Variants in GRID1 observed in about 807,000 individuals in gnomAD.
GRID1 encodes the protein glutamate ionotropic receptor delta type subunit 1.
In GRID1, 28 loss-of-function variants were observed where a neutral mutation model predicts 98.0. That is an observed-to-expected ratio of 0.29 (90% CI 0.21 to 0.39). GRID1 has a LOEUF of 0.39. Among genes scored for constraint, GRID1 ranks in the 10% least tolerant of loss-of-function variants. GRID1 has a pLI of 1.00. For synonymous variants in GRID1, 553 were observed against 538.5 expected, an observed-to-expected ratio of 1.03 and a Z score of -0.37; for missense variants, 1,111 against 1,340.5, an observed-to-expected ratio of 0.83 and a Z score of 2.67.
rs990833106 is a variant in GRID1 at position 85,756,087 on chromosome 10, A to G, written c.1234-26473T>C. Among the ~76,000 whole-genome samples the G allele has an allele frequency of 8.5e-5, 13 of 152,208 alleles. 1 individual carries two copies. The South Asian group carries it at 2.7e-3, about 32-fold the overall frequency. ...ATGTTCCAATACCCCCCCTAGTGGG[A>G]GCCTGAAACCACAAATAGTACCGAA... On this transcript the variant is annotated intron_variant, in intron 8 of 15. Coordinates refer to ENST00000327946, the MANE Select transcript of GRID1 (RefSeq NM_017551.3).
chr10:85,930,058 A>C (rs943040990), intron 4 of GRID1, among the ~76,000 whole-genome samples: 1 of 152,192 alleles, frequency 6.6e-6, no homozygotes, highest in Non-Finnish European at 1.5e-5. Flanking sequence ...GTAGACTATG[A>C]TTATATTATT....
At chr10:85,819,805 T>C (rs1842746306) in intron 8 of GRID1, among the ~76,000 whole-genome samples, 1 of 151,836 alleles carries the variant, frequency 6.6e-6, no homozygotes, top group South Asian at 2.1e-4. Context: ...TCCCAGCTAC[T>C]CGAGAGGCTG....
chr10:86,121,135 C>T (rs1844657859), intron 4 of GRID1, among the ~76,000 whole-genome samples: 1 of 152,166 alleles, frequency 6.6e-6, no homozygotes, highest in Non-Finnish European at 1.5e-5. Context: ...AAGGTGCAGA[C>T]AACATCGTAA....
chr10:86,216,661 G>A (rs1846181568), intron 2 of GRID1, among the ~76,000 whole-genome samples: 1 of 152,156 alleles, frequency 6.6e-6, no homozygotes, highest in African/African-American at 2.4e-5. Context: ...AGAAAGCAAC[G>A]GTGCTGTCCT....
intron 5 of GRID1, among the ~76,000 whole-genome samples, chr10:85,897,259 A>C (rs1317456065): frequency 1.3e-5 from 2 of 152,180 alleles, no homozygotes; most frequent in Non-Finnish European, 2.9e-5. Context: ...ACACCTACAC[A>C]GTGGTAAGCA....
intron 6 of GRID1, among the ~76,000 whole-genome samples, chr10:85,863,587 C>G (rs952052290): frequency 7.9e-5 from 12 of 152,172 alleles, no homozygotes; most frequent in African/African-American, 2.9e-4. Flanking sequence ...TATTGAGTCC[C>G]TGGGAGCAGG....
Position 86,268,942 on chromosome 10 carries a change from A to T in GRID1, c.236-62294T>A, listed in dbSNP as rs184599985. On this transcript the variant is annotated intron_variant, in intron 2 of 15. Coordinates refer to ENST00000327946, the MANE Select transcript of GRID1 (RefSeq NM_017551.3). ...GAGGCGGAGGTTGCAGTGAGCTGAG[A>T]TCACGCCACTGCACTCCAGCCCGGG... Among the ~76,000 whole-genome samples the T allele has an allele frequency of 7.5e-4, 114 of 152,128 alleles. 1 individual carries two copies. Among genetic ancestry groups the T allele is most frequent in the African/African-American group, 2.5e-3 (105 of 41,490 alleles).
intron 8 of GRID1, among the ~76,000 whole-genome samples, chr10:85,803,773 C>G (rs1344343109): frequency 6.6e-6 from 1 of 151,870 alleles, no homozygotes; most frequent in Non-Finnish European, 1.5e-5. Context: ...AGCATCAATA[C>G]ATAATAATCA....
At chr10:86,180,267 C>T (rs1845636596) in intron 3 of GRID1, among the ~76,000 whole-genome samples, 2 of 152,278 alleles carry the variant, frequency 1.3e-5, no homozygotes, top group Middle Eastern at 3.4e-3. Context: ...AGCAACTCCT[C>T]TCCTCCATGC....
intron 6 of GRID1, among the ~76,000 whole-genome samples, chr10:85,856,696 G>T (rs912088562): frequency 2.6e-5 from 4 of 152,218 alleles, no homozygotes; most frequent in African/African-American, 9.7e-5. Context: ...CAACCCTACT[G>T]TTATAACTTG....
intron 2 of GRID1, among the ~76,000 whole-genome samples, chr10:86,303,646 A>G (rs1404300096): frequency 6.6e-6 from 1 of 152,252 alleles, no homozygotes; most frequent in Admixed American, 6.5e-5. Flanking sequence ...CCTAATGGAC[A>G]TCGCGTTGCC....
chr10:85,933,995 G>C (rs1302626071), intron 4 of GRID1, among the ~76,000 whole-genome samples: 1 of 152,174 alleles, frequency 6.6e-6, no homozygotes, highest in Non-Finnish European at 1.5e-5. Flanking sequence ...TATAGGCTGA[G>C]GGTTTCCTAG....
chr10:86,292,583 G>T (rs1045818435), intron 2 of GRID1, among the ~76,000 whole-genome samples: 1 of 152,192 alleles, frequency 6.6e-6, no homozygotes, highest in Non-Finnish European at 1.5e-5. Flanking sequence ...CTGGGGAGGG[G>T]TCCCCCTGTA....
chr10:86,133,672 A>G (rs1268275117), intron 4 of GRID1, among the ~76,000 whole-genome samples: 1 of 152,282 alleles, frequency 6.6e-6, no homozygotes, highest in Non-Finnish European at 1.5e-5. Context: ...AGTAAGAAAT[A>G]TTAAATTCCC....
intron 4 of GRID1, among the ~76,000 whole-genome samples, chr10:86,090,851 C>T (rs890593757): frequency 5.3e-5 from 8 of 152,240 alleles, no homozygotes; most frequent in Non-Finnish European, 1.5e-5. Flanking sequence ...GGAGACCCTC[C>T]TCTCCTGAAC....
chr10:85,661,576 G>A (rs776289082), intron 12 of GRID1, among the ~76,000 whole-genome samples: 1 of 152,134 alleles, frequency 6.6e-6, no homozygotes, highest in Non-Finnish European at 1.5e-5. Flanking sequence ...GCAGAGTGCT[G>A]GCAGCCACCT....
intron 4 of GRID1, among the ~76,000 whole-genome samples, chr10:86,098,396 G>C (rs1844250709): frequency 6.6e-6 from 1 of 152,200 alleles, no homozygotes; most frequent in South Asian, 2.1e-4. Context: ...GCACTCATCG[G>C]TCCCTGCAGG....
intron 3 of GRID1, among the ~76,000 whole-genome samples, chr10:86,180,156 G>T (rs1351052748): frequency 6.6e-6 from 1 of 152,122 alleles, no homozygotes; most frequent in Non-Finnish European, 1.5e-5. Flanking sequence ...AGAGGTGGCC[G>T]CCAGCTAGCT....
intron 4 of GRID1, among the ~76,000 whole-genome samples, chr10:85,941,158 C>A (rs899457146): frequency 5.3e-5 from 8 of 152,186 alleles, no homozygotes; most frequent in African/African-American, 1.4e-4. Context: ...CAAATCCTGG[C>A]TGCACTATAT....
Sources: allele counts gnomAD v4.1 joint callset (sites outside exome capture counted in the v4.1 genomes callset), GRCh38; gene constraint gnomAD v4.1.1; transcripts MANE v1.5; gene names NCBI Gene and HGNC (gene_info 2026-07-23, HGNC 2026-07-21).